CDCA4: variants seen among roughly 807,000 people sequenced by gnomAD.
CDCA4 encodes cell division cycle associated 4.
For synonymous variants in CDCA4, 130 were observed against 137.0 expected, an observed-to-expected ratio of 0.95 and a Z score of 0.36; for missense variants, 294 against 322.1, an observed-to-expected ratio of 0.91 and a Z score of 0.67.
chr14:105,011,994 C>T, intron 1 of CDCA4, 59 bp from the exon 2 acceptor site: 2 of 1,534,400 alleles, frequency 1.3e-6, no homozygotes, highest in Non-Finnish European at 1.8e-6. Flanking sequence ...GGACAGCGCC[C>T]CTTGGATTTC....
chr14:105,013,483 T>C (rs1453039358), intron 1 of CDCA4, among the ~76,000 whole-genome samples: 1 of 152,264 alleles, frequency 6.6e-6, no homozygotes, highest in Non-Finnish European at 1.5e-5. Flanking sequence ...TACAATCTTT[T>C]GAATATGCAA....
chr14:105,019,845 T>G (rs1369503549), intron 1 of CDCA4, among the ~76,000 whole-genome samples: 2 of 152,166 alleles, frequency 1.3e-5, no homozygotes, highest in Admixed American at 1.3e-4. Flanking sequence ...ATAGCTAGGA[T>G]TATGATTACA....
rs571432004 is a variant in CDCA4 at position 105,012,122 on chromosome 14, C to G, written c.-6-187G>C. 4.3e-4 allele frequency among the ~76,000 whole-genome samples: 65 copies of G among 152,360 alleles called. No homozygotes were observed. In the South Asian group the frequency reaches 0.013, roughly 30 times the overall value. On this transcript the variant is annotated intron_variant, in intron 1 of 1. Coordinates refer to ENST00000336219, the MANE Select transcript of CDCA4 (RefSeq NM_017955.4). ...GAGCCCAGTGGGAGACCCCCACCCC[C>G]AGATCAGCTGCCATCCTGCCTAAGC...
chr14:105,018,863 A>T (rs1034657217), intron 1 of CDCA4, among the ~76,000 whole-genome samples: 5 of 151,858 alleles, frequency 3.3e-5, no homozygotes, highest in African/African-American at 1.2e-4. Flanking sequence ...CAGCCTCCCG[A>T]GTAGCTAGGA....
chr14:105,020,166 G>T (rs1009353766), intron 1 of CDCA4, among the ~76,000 whole-genome samples: 2 of 152,208 alleles, frequency 1.3e-5, no homozygotes, highest in African/African-American at 4.8e-5. Context: ...TTTGTATTCT[G>T]GATTTCCACC....
At chr14:105,013,807 A>G (rs146783760) in intron 1 of CDCA4, among the ~76,000 whole-genome samples, 1 of 152,336 alleles carries the variant, frequency 6.6e-6, no homozygotes, top group East Asian at 1.9e-4. Context: ...AATTTTAAAA[A>G]ACTAAGTGAC....
chr14:105,015,030 A>G (rs113311852), intron 1 of CDCA4, among the ~76,000 whole-genome samples: 31 of 152,318 alleles, frequency 2.0e-4, no homozygotes, highest in African/African-American at 7.5e-4. Flanking sequence ...GGCAACTCAC[A>G]GAAGGAACAA....
At position 105,011,480 on chromosome 14, in the gene CDCA4, G is replaced by C. The variant is rs746394768; in HGVS notation, c.450C>G (p.Gly150=). 2 of 1,614,174 alleles carry C rather than the reference G, an allele frequency of 1.2e-6. No individual in the cohort carries two copies. The highest frequency in any genetic ancestry group is 4.5e-5 in the East Asian group (2 of 44,884). The change falls in exon 2 of 2, where the codon GGC becomes GGG. Residue 150 remains glycine, a synonymous_variant. Coordinates refer to ENST00000336219, the MANE Select transcript of CDCA4 (RefSeq NM_017955.4). The part of the protein sequence containing the change: ...HLQSSAWEMD[G]PRENRGSFHK... ...GAAAGCTTCCTCTGTTTTCTCGAGG[G>C]CCATCCATCTCCCAGGCGCTGCTCT...
chr14:105,018,476 G>T (rs1170378263), intron 1 of CDCA4, among the ~76,000 whole-genome samples: 3 of 152,198 alleles, frequency 2.0e-5, no homozygotes, highest in African/African-American at 7.2e-5. Context: ...CCCAGAACAT[G>T]TGTTCAGGAG....
intron 1 of CDCA4, among the ~76,000 whole-genome samples, chr14:105,020,283 G>A (rs781750036): frequency 1.3e-5 from 2 of 152,232 alleles, no homozygotes; most frequent in South Asian, 2.1e-4. Flanking sequence ...CTCGCTTTGA[G>A]AGAACGGTTA....
chr14:105,017,809 C>G (rs1392990832), intron 1 of CDCA4, among the ~76,000 whole-genome samples: 1 of 151,444 alleles, frequency 6.6e-6, no homozygotes, highest in Admixed American at 6.6e-5. Flanking sequence ...ACAGCCTGAA[C>G]AACAGAGCGA....
intron 1 of CDCA4, among the ~76,000 whole-genome samples, chr14:105,014,133 G>A (rs1900581415): frequency 6.6e-6 from 1 of 152,204 alleles, no homozygotes; most frequent in Non-Finnish European, 1.5e-5. Context: ...CAGAGCTGAG[G>A]GGTGGCAGGG....
At chr14:105,020,660 G>A (rs1441410414) in intron 1 of CDCA4, among the ~76,000 whole-genome samples, 1 of 152,192 alleles carries the variant, frequency 6.6e-6, no homozygotes, top group Non-Finnish European at 1.5e-5. Context: ...ACGCCGCTGC[G>A]TACCCCAGCC....
rs771043132 is a variant in CDCA4 at position 105,011,393 on chromosome 14, C to A, written c.537G>T (p.Glu179Asp). 2.0e-5 allele frequency: 33 copies of A among 1,614,238 alleles called. No individual in the cohort carries two copies. The highest frequency in any genetic ancestry group is 2.7e-5 in the Non-Finnish European group (32 of 1,180,022). Reference protein sequence around the residue: ...LETKNPSCMEELFSDVDSPYY... With the variant: ...LETKNPSCMEDLFSDVDSPYY... ...AGGGGCTGTCCACGTCTGAGAACAG[C>A]TCTTCCATGCAGCTGGGGTTTTTAG... Residue 179 changes from glutamate to aspartate, a missense_variant, in exon 2 of 2, where the codon GAG (glutamate) becomes GAT (aspartate). Physicochemically the swap from Glu to Asp is conservative, Grantham distance 45 (BLOSUM62 2). Transcript: ENST00000336219.
chr14:105,020,623 G>A (rs1886206723), intron 1 of CDCA4, among the ~76,000 whole-genome samples: 1 of 152,208 alleles, frequency 6.6e-6, no homozygotes, highest in African/African-American at 2.4e-5. Context: ...CGTTCCCTCC[G>A]CTGCAACTAG....
intron 1 of CDCA4, among the ~76,000 whole-genome samples, chr14:105,019,118 G>C (rs186572402): frequency 3.2e-4 from 49 of 152,110 alleles, no homozygotes; most frequent in African/African-American, 1.1e-3. Flanking sequence ...TACCGGGACA[G>C]CCAAGCCCTC....
In CDCA4 at chr14:105,011,387, G is replaced by A. The variant is rs773387485; in HGVS notation, c.543C>T (p.Phe181=). 92 of 1,614,124 alleles carry A rather than the reference G, an allele frequency of 5.7e-5. No individual in the cohort carries two copies. In the East Asian group the frequency reaches 2.0e-3, roughly 35 times the overall value. The part of the protein sequence containing the change: ...TKNPSCMEEL[F]SDVDSPYYDL... ...CGTAGTAGGGGCTGTCCACGTCTGA[G>A]AACAGCTCTTCCATGCAGCTGGGGT... The change falls in exon 2 of 2, where the codon TTC becomes TTT. Residue 181 remains phenylalanine, a synonymous_variant. Coordinates refer to ENST00000336219, the MANE Select transcript of CDCA4 (RefSeq NM_017955.4).
chr14:105,019,271 G>A (rs1192151040), intron 1 of CDCA4, among the ~76,000 whole-genome samples: 2 of 152,162 alleles, frequency 1.3e-5, no homozygotes, highest in Non-Finnish European at 2.9e-5. Flanking sequence ...AGCAACCTAG[G>A]CCCACCGAGG....
intron 1 of CDCA4, among the ~76,000 whole-genome samples, chr14:105,019,706 GGT>G (rs1452248878): frequency 7.2e-6 from 1 of 139,552 alleles, no homozygotes; most frequent in Non-Finnish European, 1.5e-5. Flanking sequence ...GTTAATTTCA[GGT>G]ATTTGGTTTT....
Sources: allele counts gnomAD v4.1 joint callset (sites outside exome capture counted in the v4.1 genomes callset), GRCh38; gene constraint gnomAD v4.1.1; transcripts MANE v1.5; gene names NCBI Gene and HGNC (gene_info 2026-07-23, HGNC 2026-07-21).